Variants in UPRT observed in about 807,000 individuals in gnomAD.
UPRT encodes the protein RP11-311P8.3.
UPRT carries 5 observed loss-of-function variants against 22.6 expected under a neutral mutation model. The ratio of observed to expected loss-of-function variants is 0.22; its 90% CI spans 0.12 to 0.47. The LOEUF (loss-of-function observed/expected upper bound fraction) is 0.47, where lower values mean the gene tolerates loss of function less well. Among genes scored for constraint, UPRT ranks in the 20% least tolerant of loss-of-function variants. The pLI is 0.99. For synonymous variants in UPRT, 77 were observed against 87.7 expected (o/e 0.88, Z 0.68); for missense variants, 181 against 239.9 (o/e 0.75, Z 1.62).
intron 4 of UPRT, chrX:75,297,830 G>T: frequency 3.1e-6 from 1 of 327,217 alleles, no homozygotes; most frequent in Non-Finnish European, 5.4e-6. Context: ...AGGAGGATGT[G>T]GTGATGCTAT....
At chrX:75,224,729 A>G (rs191300099) in intron 4 of UPRT, among the ~76,000 whole-genome samples, 32 of 111,752 alleles carry the variant, frequency 2.9e-4, no homozygotes, top group African/African-American at 9.7e-4. Context: ...GGCTCCTCCT[A>G]CATGTTTTAT....
At chrX:75,252,943 C>A (rs2082536504) in intron 4 of UPRT, among the ~76,000 whole-genome samples, 1 of 110,073 alleles carries the variant, frequency 9.1e-6, no homozygotes, top group South Asian at 3.9e-4. Context: ...ATCACAAGGA[C>A]AAAAAACGAA....
intron 4 of UPRT, among the ~76,000 whole-genome samples, chrX:75,180,695 G>GTTTTTTTTTTTTTTTT (rs61040746): frequency 5.8e-5 from 2 of 34,660 alleles, no homozygotes; most frequent in African/African-American, 2.6e-4. Context: ...TTTTTTTTTT[G>GTTTTTTTTTTTTTTTT]TTTTTTTTTT....
chrX:75,287,127 G>A (rs191656939), intron 1 of UPRT, among the ~76,000 whole-genome samples: 1 of 110,864 alleles, frequency 9.0e-6, no homozygotes, highest in African/African-American at 3.3e-5. Flanking sequence ...ACACACATAC[G>A]TATGTATATG....
intron 4 of UPRT, among the ~76,000 whole-genome samples, chrX:75,250,146 G>A (rs1417390320): frequency 1.8e-5 from 2 of 110,841 alleles, no homozygotes; most frequent in East Asian, 2.8e-4. Context: ...TCACAATTAA[G>A]AGAACTAGAG....
intron 4 of UPRT, among the ~76,000 whole-genome samples, chrX:75,227,493 C>T (rs976504415): frequency 2.7e-5 from 3 of 111,446 alleles, no homozygotes; most frequent in Non-Finnish European, 5.6e-5. Context: ...TTTCCACATT[C>T]GATGAATGAA....
At chrX:75,289,255 G>A (rs1158261482) in intron 1 of UPRT, among the ~76,000 whole-genome samples, 1 of 110,615 alleles carries the variant, frequency 9.0e-6, no homozygotes, top group African/African-American at 3.3e-5. Flanking sequence ...TAATCAAGGG[G>A]GCAAAAGATC....
chrX:75,254,031 TG>T (rs2082540989), intron 4 of UPRT, among the ~76,000 whole-genome samples: 1 of 111,340 alleles, frequency 9.0e-6, no homozygotes, highest in South Asian at 3.8e-4. Context: ...AGCTGAACTT[TG>T]TAACAACTTG....
intron 1 of UPRT, among the ~76,000 whole-genome samples, chrX:75,287,148 A>G (rs1365087297): frequency 9.0e-6 from 1 of 111,550 alleles, no homozygotes; most frequent in East Asian, 2.8e-4. Flanking sequence ...TAGTTGTTAA[A>G]TTGATTTTTG....
intron 4 of UPRT, among the ~76,000 whole-genome samples, chrX:75,222,891 A>G (rs1005497698): frequency 9.1e-6 from 1 of 109,823 alleles, no homozygotes; most frequent in African/African-American, 3.3e-5. Context: ...TTCCTCTGCT[A>G]TTCTCAAGCA....
At chrX:75,175,020 T>G (rs1330008262) in intron 4 of UPRT, among the ~76,000 whole-genome samples, 1 of 110,929 alleles carries the variant, frequency 9.0e-6, no homozygotes, top group Non-Finnish European at 1.9e-5. Flanking sequence ...CGTTCTCTGA[T>G]GTTTTTCTCT....
intron 4 of UPRT, among the ~76,000 whole-genome samples, chrX:75,193,430 C>G (rs773814738): frequency 1.8e-5 from 2 of 111,343 alleles, no homozygotes; most frequent in East Asian, 5.6e-4. Context: ...GAGAATCTGA[C>G]GACTATGTGT....
chrX:75,269,273 A>C (rs1167776341), upstream of UPRT, among the ~76,000 whole-genome samples: 1 of 112,114 alleles, frequency 8.9e-6, no homozygotes, highest in Non-Finnish European at 1.9e-5. Context: ...AACAAATGGA[A>C]AAACATTCCA....
chrX:75,241,691 C>T (rs753284697), intron 4 of UPRT, among the ~76,000 whole-genome samples: 8 of 111,494 alleles, frequency 7.2e-5, no homozygotes, highest in South Asian at 3.7e-4. Context: ...CATCAACCAA[C>T]GAGTGGATAA....
chrX:75,187,976 C>A (rs1477002037), intron 4 of UPRT, among the ~76,000 whole-genome samples: 1 of 111,735 alleles, frequency 8.9e-6, no homozygotes, highest in Non-Finnish European at 1.9e-5. Context: ...GAATGTCCTC[C>A]CCTGGCTCGG....
chrX:75,247,799 G>A (rs1008105436), intron 4 of UPRT, among the ~76,000 whole-genome samples: 51 of 112,250 alleles, frequency 4.5e-4, no homozygotes, highest in Non-Finnish European at 4.5e-4. Context: ...TGACCCCCGA[G>A]TAGCCTAACT....
chrX:75,233,372 C>A (rs1056093861), intron 4 of UPRT, among the ~76,000 whole-genome samples: 5 of 111,535 alleles, frequency 4.5e-5, no homozygotes, highest in South Asian at 7.7e-4. Flanking sequence ...GCAGGATATT[C>A]TCCATGAGAA....
chrX:75,188,888 G>A (rs1389880266), intron 4 of UPRT, among the ~76,000 whole-genome samples: 3 of 111,338 alleles, frequency 2.7e-5, no homozygotes, highest in South Asian at 3.8e-4. Context: ...CGGCTCGCAC[G>A]CGCACCCACT....
At chrX:75,298,689 C>CT (rs764185388) in intron 4 of UPRT, among the ~76,000 whole-genome samples, 4 of 111,825 alleles carry the variant, frequency 3.6e-5, no homozygotes, top group Non-Finnish European at 5.6e-5. Context: ...CTTTAAGCTC[C>CT]TTTTTTCTAG....
Sources: gnomAD v4.1 joint callset for allele counts (sites outside exome capture counted in the v4.1 genomes callset) on GRCh38, gnomAD v4.1.1 for gene constraint, MANE v1.5 for transcripts, NCBI Gene and HGNC (gene_info 2026-07-23, HGNC 2026-07-21) for gene names.